The following DCC variants were observed in gnomAD, a reference collection of about 807,000 sequenced individuals.
DCC encodes netrin receptor DCC.
DCC carries 58 observed loss-of-function variants against 172.5 expected under a neutral mutation model. The ratio of observed to expected loss-of-function variants is 0.34; its 90% CI spans 0.27 to 0.42. DCC has a LOEUF of 0.42. DCC is among the 10% of genes least tolerant of loss of function. The pLI, the probability that DCC is intolerant of heterozygous loss-of-function variation, is 1.00. For missense variants in DCC, 1,740 were observed against 1,791.0 expected (o/e 0.97, Z 0.51); for synonymous variants, 709 against 644.5 (o/e 1.10, Z -1.52).
intron 12 of DCC, among the ~76,000 whole-genome samples, chr18:53,243,699 C>G (rs1188665728): frequency 6.6e-6 from 1 of 152,124 alleles, no homozygotes; most frequent in Non-Finnish European, 1.5e-5. Context: ...GATTCAGGCT[C>G]TACCTCTGAG....
chr18:52,701,825 A>G lies in DCC; in HGVS notation c.92-50229A>G, dbSNP rs369832107. ...CCCTCTCCAAGACTAAAGCAATTCC[A>G]TCTTGAATGTTAATCCACCATGTTG... On this transcript the variant is annotated intron_variant, in intron 1 of 28. Transcript: ENST00000442544. Among the ~76,000 whole-genome samples the G allele has an allele frequency of 5.4e-4, 82 of 152,296 alleles. 1 individual carries two copies. The highest frequency in any genetic ancestry group is 1.9e-3 in the African/African-American group (79 of 41,556).
At chr18:53,472,725 C>T (rs1398019284) in intron 25 of DCC, among the ~76,000 whole-genome samples, 2 of 152,106 alleles carry the variant, frequency 1.3e-5, no homozygotes, top group East Asian at 1.9e-4. Flanking sequence ...TAAGTCTTCC[C>T]GGCTCTAGCA....
intron 7 of DCC, among the ~76,000 whole-genome samples, chr18:53,135,391 A>T (rs932431570): frequency 6.6e-6 from 1 of 152,214 alleles, no homozygotes; most frequent in African/African-American, 2.4e-5. Flanking sequence ...AAGGATAATA[A>T]GGGAAAGAAT....
intron 1 of DCC, among the ~76,000 whole-genome samples, chr18:52,702,810 T>G (rs2036147419): frequency 6.6e-6 from 1 of 152,184 alleles, no homozygotes; most frequent in Non-Finnish European, 1.5e-5. Flanking sequence ...TATTCAAATG[T>G]TTATCTGGAT....
intron 2 of DCC, among the ~76,000 whole-genome samples, chr18:52,796,519 G>T (rs1424696486): frequency 6.6e-6 from 1 of 152,080 alleles, no homozygotes; most frequent in Non-Finnish European, 1.5e-5. Flanking sequence ...GTGACAAATT[G>T]CTTCAGCTTT....
chr18:52,792,065 G>A (rs777564068), intron 2 of DCC, among the ~76,000 whole-genome samples: 6 of 152,230 alleles, frequency 3.9e-5, no homozygotes, highest in Middle Eastern at 3.4e-3. Flanking sequence ...TGGGAAGCCA[G>A]GGTGTTTTGA....
At chr18:52,390,785 C>A (rs1448303649) in intron 1 of DCC, among the ~76,000 whole-genome samples, 2 of 152,042 alleles carry the variant, frequency 1.3e-5, no homozygotes, top group African/African-American at 4.8e-5. Flanking sequence ...TTAGTTATTC[C>A]TCATATCCAT....
chr18:53,358,714 G>A (rs978986844), intron 15 of DCC, among the ~76,000 whole-genome samples: 1 of 151,558 alleles, frequency 6.6e-6, no homozygotes, highest in Non-Finnish European at 1.5e-5. Flanking sequence ...TAAAGATGAG[G>A]TTTCACCATG....
intron 1 of DCC, among the ~76,000 whole-genome samples, chr18:52,354,446 C>A (rs912635855): frequency 9.2e-5 from 14 of 152,142 alleles, no homozygotes; most frequent in African/African-American, 2.7e-4. Context: ...TAGATGGAGG[C>A]CTTACCCTCT....
At chr18:52,937,163 G>T (rs1028752830) in intron 5 of DCC, among the ~76,000 whole-genome samples, 1 of 152,068 alleles carries the variant, frequency 6.6e-6, no homozygotes, top group East Asian at 1.9e-4. Context: ...TTTCTCTGAG[G>T]TTACAGTGAG....
chr18:52,950,678 A>C lies in DCC; in HGVS notation c.985+25308A>C, dbSNP rs570545374. On this transcript the variant is annotated intron_variant, in intron 5 of 28. Coordinates refer to ENST00000442544, the MANE Select transcript of DCC (RefSeq NM_005215.4). Reference sequence around the variant, plus strand: ...GGTGGCTCACGCCTGTAATTCCAGCACTTTGGGAGGCCGAGGGGGGTGGAT... The same window carrying C: ...GGTGGCTCACGCCTGTAATTCCAGCCCTTTGGGAGGCCGAGGGGGGTGGAT... Among the ~76,000 whole-genome samples, 4 of 151,830 alleles carry C rather than the reference A, an allele frequency of 2.6e-5. No homozygotes were observed. The East Asian group carries it at 7.8e-4, about 30-fold the overall frequency.
intron 1 of DCC, among the ~76,000 whole-genome samples, chr18:52,746,440 T>C (rs901641099): frequency 2.0e-5 from 3 of 152,194 alleles, no homozygotes; most frequent in Non-Finnish European, 4.4e-5. Flanking sequence ...TCTATTGCCT[T>C]AACCAGAAGC....
chr18:53,422,383 A>G (rs1910683945), intron 21 of DCC, among the ~76,000 whole-genome samples: 1 of 151,948 alleles, frequency 6.6e-6, no homozygotes, highest in African/African-American at 2.4e-5. Flanking sequence ...TCAGAGATTC[A>G]CCTCTATGTA....
At chr18:53,297,515 C>G (rs536541495) in intron 12 of DCC, among the ~76,000 whole-genome samples, 29 of 152,280 alleles carry the variant, frequency 1.9e-4, no homozygotes, top group African/African-American at 6.5e-4. Context: ...AGTCAAGTCA[C>G]AGCTACTAGA....
chr18:53,338,808 A>T (rs2057620444), intron 14 of DCC, among the ~76,000 whole-genome samples: 1 of 152,138 alleles, frequency 6.6e-6, no homozygotes, highest in Non-Finnish European at 1.5e-5. Flanking sequence ...AATATTTGAG[A>T]ATTTATTTGC....
At chr18:52,568,974 T>C (rs188538010) in intron 1 of DCC, among the ~76,000 whole-genome samples, 3 of 152,330 alleles carry the variant, frequency 2.0e-5, no homozygotes, top group East Asian at 1.9e-4. Context: ...ATATCTCCCA[T>C]TGATTGAGAT....
chr18:53,159,439 T>C (rs1479208414), intron 8 of DCC, among the ~76,000 whole-genome samples: 1 of 152,160 alleles, frequency 6.6e-6, no homozygotes, highest in Non-Finnish European at 1.5e-5. Context: ...TATTCTATTA[T>C]TTTCAACATC....
intron 1 of DCC, among the ~76,000 whole-genome samples, chr18:52,515,846 A>G (rs1267259001): frequency 6.7e-6 from 1 of 150,098 alleles, no homozygotes; most frequent in Non-Finnish European, 1.5e-5. Context: ...TTCAAACCAC[A>G]TCTCTGAAAA....
rs191151095 is a variant in DCC at position 52,990,847 on chromosome 18, T to C, written c.985+65477T>C. 3.3e-5 allele frequency among the ~76,000 whole-genome samples: 5 copies of C among 152,262 alleles called. No homozygotes were observed. The East Asian group carries it at 9.7e-4, about 29-fold the overall frequency. On this transcript the variant is annotated intron_variant, in intron 5 of 28. Transcript: ENST00000442544. Reference sequence around the variant, plus strand: ...ATAGCAAAATATTATTTTAAGCCAATAGAAGAAATAATAGTAGGTTTAACG... The same window carrying C: ...ATAGCAAAATATTATTTTAAGCCAACAGAAGAAATAATAGTAGGTTTAACG...
Sources: gnomAD v4.1 joint callset for allele counts (sites outside exome capture counted in the v4.1 genomes callset) on GRCh38, gnomAD v4.1.1 for gene constraint, MANE v1.5 for transcripts, NCBI Gene and HGNC (gene_info 2026-07-23, HGNC 2026-07-21) for gene names.